Variants in LCORL observed in about 807,000 individuals in gnomAD.
LCORL encodes the protein ligand-dependent nuclear receptor corepressor-like protein.
A neutral mutation model predicts 141.8 loss-of-function variants in LCORL; 41 were observed. The ratio of observed to expected loss-of-function variants is 0.29; its 90% CI spans 0.23 to 0.38. The LOEUF is 0.38. Among genes scored for constraint, LCORL ranks in the 10% least tolerant of loss-of-function variants. The probability of loss-of-function intolerance (pLI) is 1.00; values close to 1 mark genes in which losing one functional copy is unlikely to be tolerated. For missense variants in LCORL, 1,759 were observed against 2,035.0 expected (o/e 0.86, Z 2.61); for synonymous variants, 618 against 694.1 (o/e 0.89, Z 1.72).
intron 4 of LCORL, among the ~76,000 whole-genome samples, chr4:17,916,182 TAC>T (rs1413397958): frequency 6.6e-6 from 1 of 152,234 alleles, no homozygotes; most frequent in Non-Finnish European, 1.5e-5. Flanking sequence ...TTTGTTTTCT[TAC>T]ACACTGTTAC....
At chr4:17,889,553 C>CT (rs533874824) in intron 5 of LCORL, among the ~76,000 whole-genome samples, 218 of 152,138 alleles carry the variant, frequency 1.4e-3, no homozygotes, top group African/African-American at 4.6e-3. Flanking sequence ...GAAAATCTCA[C>CT]TTTTTGTTAG....
intron 1 of LCORL, among the ~76,000 whole-genome samples, chr4:18,019,992 C>T (rs1420569399): frequency 3.9e-5 from 6 of 152,116 alleles, no homozygotes; most frequent in Non-Finnish European, 8.8e-5. Context: ...AAATCACTTA[C>T]GAATACTTGA....
exon 7 of LCORL, chr4:17,877,771 G>C (rs1653524905): frequency 1.2e-5 from 15 of 1,230,658 alleles, no homozygotes; most frequent in African/African-American, 1.6e-5. Flanking sequence ...TTTGTAGAGT[G>C]AATGTTTGGT....
rs540836934 is a variant in LCORL at position 17,943,441 on chromosome 4, T to C, written c.430+18462A>G. On this transcript the variant is annotated intron_variant, in intron 4 of 7. Transcript: ENST00000635767. The stretch of plus-strand genomic sequence containing the variant: ...AAACAAAAATGAGAAAACATTCCTT[T>C]ATTCTCTCACACCTTATACCAAAAG... Among the ~76,000 whole-genome samples the C allele has an allele frequency of 4.2e-4, 64 of 152,338 alleles. 1 individual carries two copies. The highest frequency in any genetic ancestry group is 1.5e-5 in the Non-Finnish European group (1 of 68,030).
chr4:17,943,410 A>G (rs899830123), intron 4 of LCORL, among the ~76,000 whole-genome samples: 2 of 152,230 alleles, frequency 1.3e-5, no homozygotes, highest in African/African-American at 4.8e-5. Flanking sequence ...TTGGTAGTTC[A>G]CAGAAAAACA....
chr4:17,985,736 CA>C (rs1400673171), intron 1 of LCORL, among the ~76,000 whole-genome samples: 4 of 152,040 alleles, frequency 2.6e-5, no homozygotes, highest in Non-Finnish European at 5.9e-5. Flanking sequence ...CTCTACTTTT[CA>C]AATAGTGCAT....
intron 1 of LCORL, among the ~76,000 whole-genome samples, chr4:17,996,039 T>A (rs1422823772): frequency 6.6e-6 from 1 of 152,136 alleles, no homozygotes; most frequent in South Asian, 2.1e-4. Flanking sequence ...TTAATTTGCA[T>A]GGAACTTCTT....
At position 17,971,843 on chromosome 4, in the gene LCORL, G is replaced by C. The variant is rs565576378; in HGVS notation, c.220+977C>G. Among the ~76,000 whole-genome samples the C allele has an allele frequency of 5.9e-5, 9 of 151,284 alleles. No individual in the cohort carries two copies. The South Asian group carries it at 1.2e-3, about 21-fold the overall frequency. On this transcript the variant is annotated intron_variant, in intron 2 of 7. Coordinates refer to ENST00000635767, the Ensembl canonical transcript of LCORL. ...TGGGAACATCCTAAAATAATAAATT[G>C]TACTCAATATTTAAAATTTATATTA...
intron 1 of LCORL, among the ~76,000 whole-genome samples, chr4:17,987,547 T>C (rs1719203099): frequency 6.6e-6 from 1 of 152,202 alleles, no homozygotes; most frequent in African/African-American, 2.4e-5. Flanking sequence ...TCATTTCTAC[T>C]AGGTAAGACT....
chr4:17,985,036 T>G (rs749237781), intron 1 of LCORL, among the ~76,000 whole-genome samples: 1 of 152,186 alleles, frequency 6.6e-6, no homozygotes, highest in Admixed American at 6.5e-5. Flanking sequence ...CAACGTGCTA[T>G]TCAAGAGCAC....
At chr4:17,983,849 T>C (rs1318176746) in intron 1 of LCORL, among the ~76,000 whole-genome samples, 1 of 152,188 alleles carries the variant, frequency 6.6e-6, no homozygotes, top group Non-Finnish European at 1.5e-5. Flanking sequence ...ATGTGCCAGT[T>C]TTCAAGGGTA....
chr4:17,990,151 T>C (rs929104252), intron 1 of LCORL, among the ~76,000 whole-genome samples: 11 of 142,156 alleles, frequency 7.7e-5, no homozygotes, highest in Non-Finnish European at 1.3e-4. Context: ...CAGGCTGGAG[T>C]GCAGTGGCAC....
chr4:17,882,975 T>G (rs1437613211), intron 6 of LCORL: 1 of 921,456 alleles, frequency 1.1e-6, no homozygotes, highest in Non-Finnish European at 1.3e-6. Context: ...TTGTTCTTAG[T>G]ACTCCATCTT....
At chr4:17,894,048 C>T (rs1729512324) in intron 5 of LCORL, among the ~76,000 whole-genome samples, 1 of 152,320 alleles carries the variant, frequency 6.6e-6, no homozygotes, top group African/African-American at 2.4e-5. Context: ...ATCCACCTGC[C>T]TCAGCATCTC....
Position 18,021,701 on chromosome 4 carries a change from G to GGCGGCA in LCORL, c.45_50dup (p.Ala21_Ala22dup), listed in dbSNP as rs1226388888. On this transcript the variant is annotated inframe_insertion, in exon 1 of 8. Transcript: ENST00000635767. The surrounding 1 kb of genome is among the most constrained non-coding windows in gnomAD (Gnocchi z 5.5). ...TCCGGCACTGAGCGGCGGCGGCGGCGGCGGCAGCAGCGGCGGCGGCAGCGG... is the reference window on the plus strand; with the variant it reads ...TCCGGCACTGAGCGGCGGCGGCGGCGGCGGCAGCGGCAGCAGCGGCGGCGGCAGCGG... The GGCGGCA allele has an allele frequency of 5.2e-6, 8 of 1,529,614 alleles. No homozygotes were observed. Among genetic ancestry groups the GGCGGCA allele is most frequent in the South Asian group, 1.2e-5 (1 of 82,044 alleles). 94.8% of individuals were successfully genotyped at this position (1,529,614 alleles called of 1,614,324 possible).
At chr4:18,013,800 C>T (rs1317538377) in intron 1 of LCORL, among the ~76,000 whole-genome samples, 5 of 149,202 alleles carry the variant, frequency 3.4e-5, no homozygotes, top group Non-Finnish European at 7.4e-5. Flanking sequence ...TTAGAAAAGC[C>T]TCTAGGTTGC....
intron 4 of LCORL, among the ~76,000 whole-genome samples, chr4:17,950,796 TAA>T (rs879706802): frequency 6.9e-6 from 1 of 145,934 alleles, no homozygotes. Context: ...CACCGAATCT[TAA>T]AAAAAAAAAA....
At chr4:17,948,156 C>T (rs1170500449) in intron 4 of LCORL, among the ~76,000 whole-genome samples, 1 of 151,882 alleles carries the variant, frequency 6.6e-6, no homozygotes, top group East Asian at 1.9e-4. Flanking sequence ...TGAACACCTG[C>T]ATGGTCGATA....
intron 4 of LCORL, among the ~76,000 whole-genome samples, chr4:17,934,387 T>C (rs2109437314): frequency 6.6e-6 from 1 of 152,244 alleles, no homozygotes; most frequent in Non-Finnish European, 1.5e-5. Flanking sequence ...TTCTAGTAAT[T>C]GAAAATTAAA....
Sources: gnomAD v4.1 joint callset for allele counts (sites outside exome capture counted in the v4.1 genomes callset) on GRCh38, gnomAD v4.1.1 for gene constraint, Gnocchi (gnomAD v3.1) non-coding constraint, MANE v1.5 for transcripts, NCBI Gene and HGNC (gene_info 2026-07-23, HGNC 2026-07-21) for gene names.